ANKRD11: variants seen among roughly 807,000 people sequenced by gnomAD.
ANKRD11 encodes ankyrin repeat domain 11, also known as ankyrin repeat domain-containing protein 11.
A neutral mutation model predicts 195.7 loss-of-function variants in ANKRD11; 17 were observed. The ratio of observed to expected loss-of-function variants is 0.09; its 90% CI spans 0.06 to 0.13. The LOEUF (loss-of-function observed/expected upper bound fraction) is 0.13, where lower values mean the gene tolerates loss of function less well. Ranked by LOEUF, ANKRD11 falls within the 10% of genes least tolerant of loss-of-function variation. The pLI, the probability that ANKRD11 is intolerant of heterozygous loss-of-function variation, is 1.00. For synonymous variants in ANKRD11, 1,953 were observed against 1,528.1 expected (o/e 1.28, Z -6.49); for missense variants, 3,735 against 3,566.1 (o/e 1.05, Z -1.21).
chr16:89,446,882 G>A (rs897479211), intron 1 of ANKRD11, among the ~76,000 whole-genome samples: 2 of 151,980 alleles, frequency 1.3e-5, no homozygotes, highest in Non-Finnish European at 2.9e-5. Context: ...CTGCTTCTCC[G>A]CTTGTCACCC....
intron 1 of ANKRD11, among the ~76,000 whole-genome samples, chr16:89,488,439 C>A (rs2057693932): frequency 6.8e-6 from 1 of 147,688 alleles, no homozygotes; most frequent in African/African-American, 2.6e-5. Context: ...GCAAGACATC[C>A]GCCCCCCCCC....
At chr16:89,333,661 C>T (rs116163232) in intron 2 of ANKRD11, among the ~76,000 whole-genome samples, 1 of 152,222 alleles carries the variant, frequency 6.6e-6, no homozygotes, top group African/African-American at 2.4e-5. Flanking sequence ...GGCCTGGCAG[C>T]TCGTCTGTTT....
In ANKRD11 at chr16:89,279,454, G is replaced by C; in HGVS notation, c.7088C>G (p.Pro2363Arg). The stretch of plus-strand genomic sequence containing the variant: ...GGCCTTGGCCCTGGTGACCGGGGCA[G>C]GGGTGGGGGCGCACTCCTTCTCGGA... Reference protein sequence around the residue: ...PPSEKECAPTPAPVTRAKARG... With the variant: ...PPSEKECAPTRAPVTRAKARG... The change falls in exon 9 of 13, where the codon CCT becomes CGT. Residue 2363 changes from proline (P) to arginine (R), a missense_variant. Transcript: ENST00000301030. The surrounding 1 kb of genome is among the most constrained non-coding windows in gnomAD (Gnocchi z 5.6). 6.8e-7 allele frequency: 1 copy of C among 1,465,952 alleles called. No individual in the cohort carries two copies. The highest frequency in any genetic ancestry group is 9.2e-7 in the Non-Finnish European group (1 of 1,088,002). 90.8% of individuals were successfully genotyped at this position (1,465,952 alleles called of 1,614,324 possible).
intron 2 of ANKRD11, among the ~76,000 whole-genome samples, chr16:89,347,527 C>T (rs929787844): frequency 1.3e-5 from 2 of 149,180 alleles, no homozygotes; most frequent in East Asian, 4.0e-4. Context: ...AGGAGAATGG[C>T]GTGAACCTGG....
At chr16:89,460,099 G>A (rs573530457) in intron 1 of ANKRD11, among the ~76,000 whole-genome samples, 28 of 151,894 alleles carry the variant, frequency 1.8e-4, no homozygotes, top group East Asian at 1.2e-3. Context: ...TTAGCTGGGC[G>A]TGGTGGTGTG....
At chr16:89,353,047 A>C (rs2039294142) in intron 2 of ANKRD11, among the ~76,000 whole-genome samples, 1 of 152,236 alleles carries the variant, frequency 6.6e-6, no homozygotes, top group Admixed American at 6.5e-5. Context: ...AATTATAACA[A>C]GAGAAAGTAG....
intron 2 of ANKRD11, chr16:89,328,887 A>G (rs1422993674): frequency 1.8e-5 from 2 of 109,896 alleles, no homozygotes; most frequent in Non-Finnish European, 1.8e-5. Context: ...GTGAGTGGAC[A>G]TACCCAGGAG....
intron 4 of ANKRD11, chr16:89,298,729 C>A (rs147832445): frequency 4.6e-5 from 7 of 152,178 alleles, no homozygotes; most frequent in African/African-American, 9.7e-5. Context: ...GCCTTTGCTG[C>A]GGCTTGGGGA....
chr16:89,422,052 C>CTT (rs1352343721), intron 1 of ANKRD11: 3 of 152,144 alleles, frequency 2.0e-5, no homozygotes, highest in African/African-American at 7.2e-5. Context: ...ATGCTCTTAC[C>CTT]ACTCTGGACT....
intron 3 of ANKRD11, chr16:89,313,232 T>G: frequency 2.3e-4 from 282 of 1,224,692 alleles, no homozygotes; most frequent in Middle Eastern, 3.5e-4. Context: ...TGGAGCACAA[T>G]GAGACAGGGT....
At chr16:89,482,339 A>T (rs1185735163) in intron 1 of ANKRD11, among the ~76,000 whole-genome samples, 2 of 152,320 alleles carry the variant, frequency 1.3e-5, no homozygotes, top group East Asian at 3.9e-4. Context: ...AAAGACATAA[A>T]AAAAGATGAC....
At position 89,352,169 on chromosome 16, in the gene ANKRD11, C is replaced by T. The variant is rs563572958; in HGVS notation, c.-59-35091G>A. 4.0e-4 allele frequency among the ~76,000 whole-genome samples: 61 copies of T among 152,198 alleles called. 1 individual carries two copies. The highest frequency in any genetic ancestry group is 1.4e-3 in the African/African-American group (58 of 41,500). On this transcript the variant is annotated intron_variant, in intron 2 of 12. Coordinates refer to ENST00000301030, the MANE Select transcript of ANKRD11 (RefSeq NM_013275.6). ...GCCTCCCAAATGCTGGGATCACAGG[C>T]GTGAGCCATTGCACCTGGCCGATTA...
At chr16:89,355,975 C>G (rs560498019) in intron 2 of ANKRD11, among the ~76,000 whole-genome samples, 5 of 152,280 alleles carry the variant, frequency 3.3e-5, no homozygotes, top group African/African-American at 1.2e-4. Context: ...AGTTGGGAGG[C>G]TGAGGTGGGA....
rs56161810 is a variant in ANKRD11, at chr16:89,456,957, C to CTT, written c.-145+33286_-145+33287dup. The stretch of plus-strand genomic sequence containing the variant: ...GTGGTGGGGTGTTCGTTATGTGAGT[C>CTT]TTTTTTTTTTTTTTTTTTTTGAGAC... On this transcript the variant is annotated intron_variant, in intron 1 of 12. Coordinates refer to ENST00000301030, the MANE Select transcript of ANKRD11 (RefSeq NM_013275.6). Among the ~76,000 whole-genome samples the CTT allele has an allele frequency of 7.0e-3, 966 of 138,200 alleles. 19 individuals are homozygous for CTT. Among genetic ancestry groups the CTT allele is most frequent in the Non-Finnish European group, 0.011 (737 of 64,314 alleles). The allele number at this position is 138,200 out of a possible 152,430, so 90.7% of individuals were successfully genotyped here. A position where few individuals can be genotyped will look rare whatever the true frequency, so the allele number is the denominator to read the frequency against.
rs547293937 is a variant in ANKRD11 at position 89,448,134 on chromosome 16, C to T, written c.-144-29766G>A. ...CTCACTGAAGCAGGGATGACTTTGT[C>T]ACATGCACCCTTGCAGACACTGGGC... On this transcript the variant is annotated intron_variant, in intron 1 of 12. Coordinates refer to ENST00000301030, the MANE Select transcript of ANKRD11 (RefSeq NM_013275.6). 3.9e-5 allele frequency among the ~76,000 whole-genome samples: 6 copies of T among 152,296 alleles called. No homozygotes were observed. The South Asian group carries it at 1.2e-3, about 32-fold the overall frequency.
chr16:89,485,075 A>C (rs1181701944), intron 1 of ANKRD11, among the ~76,000 whole-genome samples: 1 of 115,028 alleles, frequency 8.7e-6, no homozygotes, highest in African/African-American at 2.8e-5. Flanking sequence ...TTCACTCAAC[A>C]GGATTCGGTC....
intron 2 of ANKRD11, among the ~76,000 whole-genome samples, chr16:89,405,883 G>GCAGATCACCTGAGGAACT (rs1311975150): frequency 1.3e-5 from 2 of 152,038 alleles, no homozygotes; most frequent in African/African-American, 4.8e-5. Context: ...GCCAACGCCG[G>GCAGATCACCTGAGGAACT]CAGATCACCT....
At chr16:89,394,629 CA>C (rs36087767) in intron 2 of ANKRD11, among the ~76,000 whole-genome samples, 81,212 of 140,142 alleles carry the variant, frequency 0.58, 22,349 homozygotes, top group Middle Eastern at 0.72. Context: ...ACTCTGTCTC[CA>C]AAAAAAAAAA....
At position 89,280,447 on chromosome 16, in the gene ANKRD11, G is replaced by C. The variant is rs746355740; in HGVS notation, c.6095C>G (p.Pro2032Arg). The change falls in exon 9 of 13, where the codon CCG (proline) becomes CGG (arginine). Residue 2032 changes from proline to arginine, a missense_variant. Coordinates refer to ENST00000301030, the MANE Select transcript of ANKRD11 (RefSeq NM_013275.6). The stretch of plus-strand genomic sequence containing the variant: ...TCCGTCCTTGACGTCCTCCAGCCCC[G>C]GCTCAGCGACGGGCAGAGCGTACGG... The part of the protein sequence containing the change: ...PAPYALPVAE[P>R]GLEDVKDGVD... 6 of 1,586,702 alleles carry C rather than the reference G, an allele frequency of 3.8e-6. No homozygotes were observed.
Sources: gnomAD v4.1 joint callset for allele counts (sites outside exome capture counted in the v4.1 genomes callset) on GRCh38, gnomAD v4.1.1 for gene constraint, Gnocchi (gnomAD v3.1) non-coding constraint, MANE v1.5 for transcripts, NCBI Gene and HGNC (gene_info 2026-07-23, HGNC 2026-07-21) for gene names.